Variants in SLC44A5 observed in about 807,000 individuals in gnomAD.
SLC44A5 encodes the protein choline transporter-like protein 5.
Under a neutral mutation model 101.8 loss-of-function variants are expected in SLC44A5, and 57 were observed. The ratio of observed to expected loss-of-function variants is 0.56; its 90% CI spans 0.45 to 0.70. The LOEUF (loss-of-function observed/expected upper bound fraction) is 0.70. Among genes scored for constraint, SLC44A5 ranks in the 30% least tolerant of loss-of-function variants. The pLI, the probability that SLC44A5 is intolerant of heterozygous loss-of-function variation, is 0.00. For missense variants in SLC44A5, 737 were observed against 853.1 expected (o/e 0.86, Z 1.70); for synonymous variants, 281 against 290.9 (o/e 0.97, Z 0.35).
At chr1:75,300,744 T>C (rs868205768) in intron 4 of SLC44A5, 59 bp from the exon 5 acceptor site, 3 of 1,114,022 alleles carry the variant, frequency 2.7e-6, no homozygotes, top group Middle Eastern at 2.2e-4. Context: ...TCCTGTTTCC[T>C]GCACAAAATG....
At chr1:75,375,661 C>A (rs1366373587) in intron 3 of SLC44A5, among the ~76,000 whole-genome samples, 1 of 152,178 alleles carries the variant, frequency 6.6e-6, no homozygotes, top group Non-Finnish European at 1.5e-5. Context: ...TCAGCAGAAA[C>A]CTTACAAGCC....
At chr1:75,217,378 TTCAAG>T (rs1385571328) in intron 18 of SLC44A5, among the ~76,000 whole-genome samples, 1 of 152,076 alleles carries the variant, frequency 6.6e-6, no homozygotes, top group African/African-American at 2.4e-5. Flanking sequence ...TTTGTTCCTT[TTCAAG>T]TCTTTTTCCA....
intron 3 of SLC44A5, among the ~76,000 whole-genome samples, chr1:75,388,445 G>C (rs945589093): frequency 6.6e-6 from 1 of 150,602 alleles, no homozygotes; most frequent in Non-Finnish European, 1.5e-5. Context: ...ACACAATTGA[G>C]ACTACAAAGT....
At chr1:75,664,482 A>G in the SLC44A5 span, among the ~76,000 whole-genome samples, 3 of 152,200 alleles carry the variant, frequency 2.0e-5, no homozygotes, top group African/African-American at 7.2e-5. Context: ...TACAAAATCA[A>G]TGTACAAAAA....
chr1:75,238,523 T>C lies in SLC44A5; in HGVS notation c.646A>G (p.Ile216Val), dbSNP rs1648327934. The change falls in exon 10 of 24, where the codon ATT becomes GTT. Residue 216 changes from isoleucine to valine, a missense_variant. Physicochemically the swap from Ile to Val is conservative, Grantham distance 29. This residue lies in a region of SLC44A5 where 665 missense variants were observed against 764.4 expected (regional missense o/e 0.87). Coordinates refer to ENST00000370859, the MANE Select transcript of SLC44A5 (RefSeq NM_001130058.2). ...GGTRSVVELG[I>V]AANGINKLLD... is the part of the protein sequence containing the mutation. ...TGTAAACACACATACTTTGCAGCAA[T>C]CCCGAGTTCTACAACACTTCTTGTC... 4.4e-6 allele frequency: 7 copies of C among 1,595,296 alleles called. No homozygotes were observed. The highest frequency in any genetic ancestry group is 4.6e-5 in the East Asian group (2 of 43,680).
intron 13 of SLC44A5, among the ~76,000 whole-genome samples, chr1:75,223,568 A>T (rs1170578561): frequency 1.3e-5 from 2 of 152,238 alleles, no homozygotes; most frequent in African/African-American, 4.8e-5. Flanking sequence ...AAGGAACTTA[A>T]TGGAAACTTA....
chr1:75,269,050 A>T (rs1349608070), intron 6 of SLC44A5, among the ~76,000 whole-genome samples: 5 of 152,136 alleles, frequency 3.3e-5, no homozygotes, highest in Non-Finnish European at 7.4e-5. Flanking sequence ...AAATTACACT[A>T]CTGCCAGTAG....
chr1:75,665,268 T>C, the SLC44A5 span, among the ~76,000 whole-genome samples: 1 of 152,132 alleles, frequency 6.6e-6, no homozygotes, highest in Non-Finnish European at 1.5e-5. Flanking sequence ...CATAGGCCAA[T>C]TGAACAGACT....
chr1:75,670,437 C>CT, the SLC44A5 span, among the ~76,000 whole-genome samples: 2 of 152,076 alleles, frequency 1.3e-5, no homozygotes, highest in Admixed American at 6.6e-5. Context: ...AATTTGCCTT[C>CT]TTTTTTGCAA....
rs748950852 is a variant in SLC44A5, at chr1:75,242,994, G to A, written c.363C>T (p.Cys121=). 84 of 1,611,864 alleles carry A rather than the reference G, an allele frequency of 5.2e-5. 4 individuals are homozygous for A. The South Asian group carries it at 8.9e-4, about 17-fold the overall frequency. ...CCACATAGGTTAAAAATTTTTCTGG[G>A]CACTTGGAGACACAGATCTGTGAAC... The part of the protein sequence containing the change: ...CPTTQICVSK[C]PEKFLTYVEM... Residue 121 remains cysteine (C), a synonymous_variant, in exon 8 of 24, where the codon TGC becomes TGT. Transcript: ENST00000370859.
chr1:75,688,512 T>C, the SLC44A5 span, among the ~76,000 whole-genome samples: 10 of 152,182 alleles, frequency 6.6e-5, no homozygotes, highest in African/African-American at 2.4e-4. Flanking sequence ...CTGAATCATC[T>C]CTATTCCCAA....
chr1:75,658,977 T>C, the SLC44A5 span, among the ~76,000 whole-genome samples: 1 of 152,024 alleles, frequency 6.6e-6, no homozygotes, highest in Non-Finnish European at 1.5e-5. Context: ...TAAAGGATCA[T>C]TAGAAACTAT....
chr1:75,234,792 C>T (rs1647920515), intron 11 of SLC44A5, among the ~76,000 whole-genome samples: 1 of 152,040 alleles, frequency 6.6e-6, no homozygotes, highest in South Asian at 2.1e-4. Flanking sequence ...CTTCTGTCAG[C>T]TTTAATTTCT....
chr1:75,297,700 A>G (rs1276881571), intron 5 of SLC44A5, among the ~76,000 whole-genome samples: 2 of 152,156 alleles, frequency 1.3e-5, no homozygotes, highest in Non-Finnish European at 2.9e-5. Context: ...TTTTTTTCTA[A>G]TTAGTACAAT....
intron 9 of SLC44A5, among the ~76,000 whole-genome samples, chr1:75,241,502 G>A (rs551706585): frequency 6.6e-6 from 1 of 152,130 alleles, no homozygotes; most frequent in East Asian, 1.9e-4. Context: ...TTACAGGCAT[G>A]AGCCCCTATG....
chr1:75,413,450 T>C (rs1211531599), intron 2 of SLC44A5, among the ~76,000 whole-genome samples: 1 of 152,186 alleles, frequency 6.6e-6, no homozygotes, highest in Non-Finnish European at 1.5e-5. Context: ...CTAGTATCCT[T>C]GTTATAAATA....
At chr1:75,238,461 A>T (rs1321237963) in intron 10 of SLC44A5, 52 bp downstream of exon 10, 1 of 1,476,662 alleles carries the variant, frequency 6.8e-7, no homozygotes, top group Non-Finnish European at 9.0e-7. Flanking sequence ...TTTAGTCTCG[A>T]GTGCAATAAC....
chr1:75,297,764 G>T (rs570081311), intron 5 of SLC44A5, among the ~76,000 whole-genome samples: 1 of 152,214 alleles, frequency 6.6e-6, no homozygotes, highest in South Asian at 2.1e-4. Flanking sequence ...TTACCATAAA[G>T]GTTAGTTTGA....
At chr1:75,291,868 C>T (rs1291709040) in intron 5 of SLC44A5, among the ~76,000 whole-genome samples, 2 of 151,886 alleles carry the variant, frequency 1.3e-5, no homozygotes, top group Non-Finnish European at 2.9e-5. Context: ...AAAAATTAGC[C>T]AGGCGTGGTG....
Sources: gnomAD v4.1 joint callset for allele counts (sites outside exome capture counted in the v4.1 genomes callset) on GRCh38, gnomAD v4.1.1 for gene constraint, gnomAD v4.1.1 regional missense constraint, MANE v1.5 for transcripts, NCBI Gene and HGNC (gene_info 2026-07-23, HGNC 2026-07-21) for gene names.